DIAPH3: variants seen among roughly 807,000 people sequenced by gnomAD.
DIAPH3 encodes the protein protein diaphanous homolog 3.
A neutral mutation model predicts 144.3 loss-of-function variants in DIAPH3; 117 were observed. That is an observed-to-expected ratio of 0.81 (90% CI 0.70 to 0.95). The LOEUF (loss-of-function observed/expected upper bound fraction) is 0.95. Among genes scored for constraint, DIAPH3 ranks in the 40% least tolerant of loss-of-function variants. DIAPH3 has a pLI of 0.00. For missense variants in DIAPH3, 1,421 were observed against 1,412.7 expected (o/e 1.01, Z -0.09); for synonymous variants, 519 against 488.9 (o/e 1.06, Z -0.81).
In DIAPH3 at chr13:59,824,585, G is replaced by C. The variant is rs183673633; in HGVS notation, c.3027+8522C>G. Among the ~76,000 whole-genome samples, 449 of 152,208 alleles carry C rather than the reference G, an allele frequency of 2.9e-3. 2 individuals carry two copies. Among genetic ancestry groups the C allele is most frequent in the Admixed American group, 3.9e-3 (60 of 15,270 alleles). ...CAGGACTAATCATGTCTCTCTTTGA[G>C]GGTCATCACAGGCAATTAAGATGGG... On this transcript the variant is annotated intron_variant, in intron 24 of 27. Transcript: ENST00000400324.
At chr13:60,007,236 A>C (rs1038846602) in intron 9 of DIAPH3, among the ~76,000 whole-genome samples, 10 of 152,050 alleles carry the variant, frequency 6.6e-5, no homozygotes, top group African/African-American at 2.4e-4. Flanking sequence ...ATTTTAGTAG[A>C]GATGGGGTTT....
At chr13:60,135,610 T>C (rs2059250726) in intron 1 of DIAPH3, among the ~76,000 whole-genome samples, 1 of 152,022 alleles carries the variant, frequency 6.6e-6, no homozygotes, top group Non-Finnish European at 1.5e-5. Context: ...CACAGCAAAT[T>C]CAAGAGTCCA....
intron 27 of DIAPH3, among the ~76,000 whole-genome samples, chr13:59,756,727 G>A (rs981274414): frequency 6.6e-6 from 1 of 152,166 alleles, no homozygotes; most frequent in African/African-American, 2.4e-5. Context: ...GAACCCATCT[G>A]AGGTTCCAGC....
At chr13:60,052,957 CT>C (rs1394059984) in intron 4 of DIAPH3, among the ~76,000 whole-genome samples, 13 of 10,802 alleles carry the variant, frequency 1.2e-3, no homozygotes, top group African/African-American at 7.7e-3. Context: ...CAGACTCCCT[CT>C]TAAAAAAAAA....
At chr13:60,009,445 G>A (rs754417459) in intron 8 of DIAPH3, among the ~76,000 whole-genome samples, 6 of 151,788 alleles carry the variant, frequency 4.0e-5, no homozygotes, top group Non-Finnish European at 8.8e-5. Flanking sequence ...AAAAAGAGGA[G>A]GTTAAAAGAC....
chr13:59,912,818 A>T (rs563139023), intron 19 of DIAPH3, among the ~76,000 whole-genome samples: 1 of 152,166 alleles, frequency 6.6e-6, no homozygotes, highest in Non-Finnish European at 1.5e-5. Flanking sequence ...GTTATTAGTT[A>T]AAAATACTGT....
At chr13:59,893,202 T>C (rs901331156) in intron 20 of DIAPH3, among the ~76,000 whole-genome samples, 1 of 152,126 alleles carries the variant, frequency 6.6e-6, no homozygotes, top group Non-Finnish European at 1.5e-5. Flanking sequence ...ACAATATTGT[T>C]CTAAGATTAA....
At position 59,802,932 on chromosome 13, in the gene DIAPH3, C is replaced by T. The variant is rs1461088745; in HGVS notation, c.3163+7856G>A. Among the ~76,000 whole-genome samples the T allele has an allele frequency of 4.0e-5, 6 of 151,678 alleles. No individual in the cohort carries two copies. The East Asian group carries it at 1.2e-3, about 29-fold the overall frequency. On this transcript the variant is annotated intron_variant, in intron 25 of 27. Transcript: ENST00000400324. ...ATCTCCTGACCTCATGATCCACCCG[C>T]CTCGGCCTCCCAAAGTGCTGGGATT...
chr13:59,815,551 C>A (rs1360089956), intron 24 of DIAPH3, among the ~76,000 whole-genome samples: 1 of 152,036 alleles, frequency 6.6e-6, no homozygotes, highest in Non-Finnish European at 1.5e-5. Flanking sequence ...CTATACATTT[C>A]TTTTGCTATT....
intron 17 of DIAPH3, among the ~76,000 whole-genome samples, chr13:59,935,500 T>C (rs2048219791): frequency 6.6e-6 from 1 of 152,138 alleles, no homozygotes; most frequent in Non-Finnish European, 1.5e-5. Context: ...GATAGGACAA[T>C]ATGGTTTCAA....
At chr13:59,919,142 A>C (rs796467539) in intron 18 of DIAPH3, among the ~76,000 whole-genome samples, 11 of 152,138 alleles carry the variant, frequency 7.2e-5, no homozygotes, top group African/African-American at 2.6e-4. Flanking sequence ...GAATAAGAAA[A>C]ATGAATGAAA....
intron 27 of DIAPH3, among the ~76,000 whole-genome samples, chr13:59,698,474 T>C (rs927032786): frequency 2.6e-5 from 4 of 152,158 alleles, no homozygotes; most frequent in African/African-American, 9.6e-5. Context: ...CTGCTACATT[T>C]GAAAATCAGA....
chr13:59,796,930 A>T (rs1201239757), intron 25 of DIAPH3, among the ~76,000 whole-genome samples: 8 of 152,172 alleles, frequency 5.3e-5, no homozygotes. Context: ...GAATTTTCCA[A>T]ATTAGAAGGA....
At chr13:59,992,634 GAGTAACAAACGTAAACTTCAAGGTTT>G in intron 9 of DIAPH3, 51 bp from the exon 10 acceptor site, 1 of 1,417,762 alleles carries the variant, frequency 7.1e-7, no homozygotes, top group Non-Finnish European at 9.9e-7. Flanking sequence ...ATTAAAGAAA[GAGTAACAAACGTAAACTTCAAGGTTT>G]TGTTCCAGCA....
intron 13 of DIAPH3, among the ~76,000 whole-genome samples, chr13:59,982,232 T>C (rs560827443): frequency 1.3e-5 from 2 of 151,630 alleles, no homozygotes; most frequent in Non-Finnish European, 3.0e-5. Flanking sequence ...GCATCACTTA[T>C]ACAACCAAAT....
intron 1 of DIAPH3, among the ~76,000 whole-genome samples, chr13:60,135,364 C>T (rs2138256373): frequency 6.6e-6 from 1 of 151,344 alleles, no homozygotes; most frequent in South Asian, 2.1e-4. Context: ...TAGGTATGTA[C>T]ATAAGCCCAG....
At chr13:60,157,164 C>T (rs1471866498) in intron 1 of DIAPH3, among the ~76,000 whole-genome samples, 5 of 151,702 alleles carry the variant, frequency 3.3e-5, no homozygotes, top group Admixed American at 2.0e-4. Flanking sequence ...AGGCTGTCAT[C>T]GAACTCCTGG....
chr13:59,761,911 T>G (rs1046989855), intron 27 of DIAPH3, among the ~76,000 whole-genome samples: 1 of 152,042 alleles, frequency 6.6e-6, no homozygotes, highest in Non-Finnish European at 1.5e-5. Context: ...CAGATAAACT[T>G]AGAAGCTCAG....
intron 9 of DIAPH3, among the ~76,000 whole-genome samples, chr13:60,002,443 A>G (rs1367072828): frequency 6.6e-6 from 1 of 152,202 alleles, no homozygotes; most frequent in East Asian, 1.9e-4. Context: ...ACATTACACT[A>G]TGAGTGTCAC....
Sources: gnomAD v4.1 joint callset for allele counts (sites outside exome capture counted in the v4.1 genomes callset) on GRCh38, gnomAD v4.1.1 for gene constraint, MANE v1.5 for transcripts, NCBI Gene and HGNC (gene_info 2026-07-23, HGNC 2026-07-21) for gene names.